Variants in STRBP observed in about 807,000 individuals in gnomAD.
The protein encoded by STRBP is spermatid perinuclear RNA binding protein, also known as spermatid perinuclear RNA-binding protein.
STRBP carries 13 observed loss-of-function variants against 80.1 expected under a neutral mutation model. The observed-to-expected ratio is 0.16, with a 90% CI of 0.11 to 0.26. STRBP has a LOEUF of 0.26. Among genes scored for constraint, STRBP ranks in the 10% least tolerant of loss-of-function variants. The pLI, the probability that STRBP is intolerant of heterozygous loss-of-function variation, is 1.00. For synonymous variants in STRBP, 284 were observed against 291.2 expected (o/e 0.98, Z 0.25); for missense variants, 485 against 815.2 (o/e 0.59, Z 4.93).
intron 2 of STRBP, among the ~76,000 whole-genome samples, chr9:123,204,363 T>C (rs994990786): frequency 6.6e-6 from 1 of 152,238 alleles, no homozygotes; most frequent in African/African-American, 2.4e-5. Context: ...CCAATTCACA[T>C]CACTGTCTCC....
chr9:123,212,075 CA>C (rs1368674051), intron 2 of STRBP, among the ~76,000 whole-genome samples: 3 of 152,104 alleles, frequency 2.0e-5, no homozygotes, highest in African/African-American at 7.2e-5. Flanking sequence ...AAGTAAAATG[CA>C]AAACTTCTTC....
chr9:123,112,889 A>C (rs1273772044), intron 3 of STRBP: 2 of 167,022 alleles, frequency 1.2e-5, no homozygotes, highest in African/African-American at 2.4e-5. Flanking sequence ...CCGCCCCTTT[A>C]CCTTCATATT....
At chr9:123,135,830 T>A (rs1330245581) in intron 16 of STRBP, 4 of 473,904 alleles carry the variant, frequency 8.4e-6, no homozygotes, top group Non-Finnish European at 1.1e-5. Context: ...TAAATATACA[T>A]GTACATATAT....
At chr9:123,235,828 C>T (rs779420810) in intron 2 of STRBP, among the ~76,000 whole-genome samples, 11 of 152,018 alleles carry the variant, frequency 7.2e-5, no homozygotes, top group Non-Finnish European at 1.5e-4. Context: ...ATAGAGCGCT[C>T]AGCAAAATAA....
At chr9:123,168,114 A>G in intron 6 of STRBP, 1 of 602,956 alleles carries the variant, frequency 1.7e-6, no homozygotes. Context: ...AATAATTTTT[A>G]ATAATACCTA....
At chr9:123,206,699 C>T (rs972407208) in intron 2 of STRBP, among the ~76,000 whole-genome samples, 25 of 151,916 alleles carry the variant, frequency 1.6e-4, no homozygotes, top group South Asian at 6.3e-4. Flanking sequence ...AGTGCAATAG[C>T]GCAATCTCGG....
At chr9:123,140,376 T>C (rs2036538873) in intron 13 of STRBP, among the ~76,000 whole-genome samples, 1 of 152,082 alleles carries the variant, frequency 6.6e-6, no homozygotes, top group South Asian at 2.1e-4. Flanking sequence ...GGGTGGATCA[T>C]TTGAGGTCAG....
intron 2 of STRBP, among the ~76,000 whole-genome samples, chr9:123,203,568 G>T (rs1314759992): frequency 1.3e-5 from 2 of 152,080 alleles, no homozygotes; most frequent in African/African-American, 4.8e-5. Context: ...CCACCTCAGA[G>T]CCTTTCCACT....
Position 123,115,657 on chromosome 9 carries a change from G to T in STRBP, c.*84+272C>A. On this transcript the variant is annotated intron_variant and NMD_transcript_variant, in intron 3 of 3. Transcript: ENST00000471564. This position sits in a 1 kb window ranked among gnomAD's most constrained non-coding sequence, Gnocchi z 5.0. ...TCAATAAATCTACGTGCCCAAGAAG[G>T]GAGACATGGTCTTGGCAGCATCACC... The T allele has an allele frequency of 3.0e-6, 1 of 335,376 alleles. No individual in the cohort carries two copies. The highest frequency in any genetic ancestry group is 5.9e-6 in the Non-Finnish European group (1 of 170,270). 20.8% of individuals were successfully genotyped at this position (335,376 alleles called of 1,614,324 possible).
chr9:123,157,512 T>C (rs995075037), intron 11 of STRBP, among the ~76,000 whole-genome samples: 5 of 152,152 alleles, frequency 3.3e-5, no homozygotes, highest in Non-Finnish European at 4.4e-5. Context: ...ATTCTATTTA[T>C]TGTATTAGTT....
intron 6 of STRBP, 43 bp from the exon 7 acceptor site, chr9:123,161,111 C>A: frequency 2.3e-6 from 3 of 1,329,874 alleles, no homozygotes; most frequent in East Asian, 2.5e-5. Flanking sequence ...ACAATTTGAC[C>A]AAGCGATTCC....
Position 123,268,437 on chromosome 9 carries a change from C to A in STRBP, c.-303G>T. 6.5e-6 allele frequency: 1 copy of A among 154,732 alleles called. No individual in the cohort carries two copies. The highest frequency in any genetic ancestry group is 1.4e-5 in the Non-Finnish European group (1 of 71,088). The allele number at this position is 154,732 out of a possible 1,614,324, so 9.6% of individuals were successfully genotyped here. On this transcript the variant is annotated splice_region_variant and 5_prime_UTR_variant, in exon 1 of 19. Transcript: ENST00000348403. ...GCCCGCCCCGCCGCCGGAGCCTACC[C>A]GCGCCGCCGCGCTCTGCCCGCGCCC...
At chr9:123,205,817 T>G (rs563056460) in intron 2 of STRBP, among the ~76,000 whole-genome samples, 1 of 152,236 alleles carries the variant, frequency 6.6e-6, no homozygotes, top group African/African-American at 2.4e-5. Context: ...AAAAGACAAG[T>G]AGCTTTTCAG....
At chr9:123,164,731 A>G (rs2037680436) in intron 6 of STRBP, among the ~76,000 whole-genome samples, 1 of 152,208 alleles carries the variant, frequency 6.6e-6, no homozygotes, top group African/African-American at 2.4e-5. Flanking sequence ...TACTAAGTCT[A>G]TGCTGACAGA....
intron 1 of STRBP, among the ~76,000 whole-genome samples, chr9:123,248,895 C>T (rs754701603): frequency 2.0e-5 from 3 of 152,130 alleles, no homozygotes; most frequent in Non-Finnish European, 2.9e-5. Context: ...GAGAAGGAAC[C>T]GTTTTTCATA....
chr9:123,175,032 G>C (rs2038162230), intron 4 of STRBP, among the ~76,000 whole-genome samples: 1 of 152,110 alleles, frequency 6.6e-6, no homozygotes, highest in Non-Finnish European at 1.5e-5. Flanking sequence ...TATTTAAAAG[G>C]GGAAGAGAAA....
At chr9:123,116,462 A>T (rs1433772361) in intron 2 of STRBP, among the ~76,000 whole-genome samples, 1 of 152,128 alleles carries the variant, frequency 6.6e-6, no homozygotes, top group Non-Finnish European at 1.5e-5. Context: ...AAAAAAGAAA[A>T]CAAAACAAAA....
At chr9:123,194,112 A>G (rs931647511) in intron 2 of STRBP, among the ~76,000 whole-genome samples, 7 of 152,270 alleles carry the variant, frequency 4.6e-5, no homozygotes, top group Admixed American at 6.5e-5. Context: ...GCCTCAATGA[A>G]AAAGTTAAAT....
At chr9:123,223,814 T>C (rs1304483605) in intron 2 of STRBP, among the ~76,000 whole-genome samples, 1 of 152,148 alleles carries the variant, frequency 6.6e-6, no homozygotes, top group Non-Finnish European at 1.5e-5. Context: ...GCTTTATAAT[T>C]AACAGAAATT....
Sources: allele counts gnomAD v4.1 joint callset (sites outside exome capture counted in the v4.1 genomes callset), GRCh38; gene constraint gnomAD v4.1.1; non-coding constraint Gnocchi (gnomAD v3.1); transcripts MANE v1.5; gene names NCBI Gene and HGNC (gene_info 2026-07-23, HGNC 2026-07-21).